The following CLEC4A variants were observed in gnomAD, a reference collection of about 807,000 sequenced individuals.
CLEC4A encodes the protein C-type lectin domain family 4 member A, also known as C-type (calcium dependent, carbohydrate-recognition domain) lectin, superfamily member 6.
A neutral mutation model predicts 32.7 loss-of-function variants in CLEC4A; 27 were observed. The ratio of observed to expected loss-of-function variants is 0.83; its 90% CI spans 0.61 to 1.14. CLEC4A has a LOEUF of 1.14. Among genes scored for constraint, CLEC4A ranks in the 50% most tolerant of loss-of-function variants. The pLI, the probability that CLEC4A is intolerant of heterozygous loss-of-function variation, is 0.00. For synonymous variants in CLEC4A, 89 were observed against 93.7 expected (o/e 0.95, Z 0.29); for missense variants, 253 against 274.6 (o/e 0.92, Z 0.55).
intron 3 of CLEC4A, chr12:8,134,750 G>T (rs1384128608): frequency 4.5e-6 from 7 of 1,560,358 alleles, no homozygotes; most frequent in Non-Finnish European, 6.1e-6. Flanking sequence ...AGCTTAGCCA[G>T]GTCCGAGGAT....
At chr12:8,133,652 C>T (rs1057209250) in intron 3 of CLEC4A, 19 of 1,371,816 alleles carry the variant, frequency 1.4e-5, no homozygotes, top group Non-Finnish European at 1.6e-5. Flanking sequence ...CCTTTGTGTT[C>T]CCAATTCCTT....
At position 8,123,724 on chromosome 12, in the gene CLEC4A, T is replaced by A. The variant is rs1947854935; in HGVS notation, c.-155T>A. 2 of 606,974 alleles carry A rather than the reference T, an allele frequency of 3.3e-6. No homozygotes were observed. The highest frequency in any genetic ancestry group is 5.9e-6 in the Non-Finnish European group (2 of 340,846). 37.6% of individuals were successfully genotyped at this position (606,974 alleles called of 1,614,324 possible). ...TGGTTCTTAGTTCTCATGAGACCCC[T>A]CTTGAGGATATGTGCCTATCTGGTG... On this transcript the variant is annotated 5_prime_UTR_variant, in exon 1 of 6. Coordinates refer to ENST00000229332, the MANE Select transcript of CLEC4A (RefSeq NM_016184.4).
At chr12:8,134,693 T>G in intron 3 of CLEC4A, 1 of 1,575,442 alleles carries the variant, frequency 6.3e-7, no homozygotes, top group Non-Finnish European at 8.6e-7. Context: ...CCTCAGAGCC[T>G]GGCCCAAACC....
At chr12:8,135,088 G>T (rs1185083928) in intron 3 of CLEC4A, among the ~76,000 whole-genome samples, 2 of 69,410 alleles carry the variant, frequency 2.9e-5, no homozygotes, top group Non-Finnish European at 5.2e-5. Context: ...TTCTCGCTGT[G>T]TTGCCCAGGC....
At chr12:8,136,319 C>T (rs1167267032) in intron 4 of CLEC4A, among the ~76,000 whole-genome samples, 1 of 152,192 alleles carries the variant, frequency 6.6e-6, no homozygotes, top group Admixed American at 6.5e-5. Flanking sequence ...AATCCCAGCA[C>T]TTTGGGAGGC....
upstream of CLEC4A, among the ~76,000 whole-genome samples, chr12:8,123,014 A>G (rs1236079956): frequency 6.6e-6 from 1 of 152,148 alleles, no homozygotes; most frequent in African/African-American, 2.4e-5. Context: ...GGAAAAAGTC[A>G]TATTTAGTAC....
chr12:8,135,311 T>C (rs950502947), intron 3 of CLEC4A, among the ~76,000 whole-genome samples: 1 of 152,142 alleles, frequency 6.6e-6, no homozygotes, highest in Non-Finnish European at 1.5e-5. Context: ...CATTATATTC[T>C]CAGAGTCTGG....
upstream of CLEC4A, among the ~76,000 whole-genome samples, chr12:8,118,648 A>G (rs1947807657): frequency 6.6e-6 from 1 of 152,272 alleles, no homozygotes; most frequent in Admixed American, 6.5e-5. Context: ...TATGGCGAGG[A>G]CACTACCAAG....
chr12:8,111,065 G>A, the CLEC4A span, among the ~76,000 whole-genome samples: 2 of 151,998 alleles, frequency 1.3e-5, no homozygotes, highest in Admixed American at 6.6e-5. Flanking sequence ...AGTATAGATG[G>A]GGTTTCACTG....
the CLEC4A span, among the ~76,000 whole-genome samples, chr12:8,109,139 A>C: frequency 1.3e-5 from 2 of 152,222 alleles, no homozygotes; most frequent in Non-Finnish European, 2.9e-5. Flanking sequence ...AGCATTTAAA[A>C]AGAAAGAAAT....
the CLEC4A span, among the ~76,000 whole-genome samples, chr12:8,115,178 A>G: frequency 2.0e-5 from 3 of 152,220 alleles, no homozygotes; most frequent in African/African-American, 2.4e-5. Context: ...TTTTCTGGCA[A>G]ATATGTTTGA....
At chr12:8,122,140 TG>T (rs1275476224), upstream of CLEC4A, among the ~76,000 whole-genome samples, 1 of 151,524 alleles carries the variant, frequency 6.6e-6, no homozygotes, top group Non-Finnish European at 1.5e-5. Flanking sequence ...CTGCATGGAG[TG>T]TCAGAGCCCA....
At chr12:8,119,470 C>T (rs1388599155), upstream of CLEC4A, among the ~76,000 whole-genome samples, 2 of 152,328 alleles carry the variant, frequency 1.3e-5, no homozygotes, top group East Asian at 1.9e-4. Context: ...GTGATCCACC[C>T]GCCTTGGCCT....
chr12:8,111,921 ATATGTGTGTGTGTGTGTGTGTGTG>A, the CLEC4A span, among the ~76,000 whole-genome samples: 1 of 109,662 alleles, frequency 9.1e-6, no homozygotes, highest in African/African-American at 3.4e-5. Context: ...GTGAGTGTGT[ATATGTGTGTGTGTGTGTGTGTGTG>A]TGTGTGTGTG....
At chr12:8,120,630 C>A (rs1328685511), upstream of CLEC4A, among the ~76,000 whole-genome samples, 2 of 151,748 alleles carry the variant, frequency 1.3e-5, no homozygotes, top group Non-Finnish European at 2.9e-5. Context: ...ACTAGTAAAG[C>A]TTATCTTCCT....
chr12:8,129,800 A>T (rs1947966297), intron 3 of CLEC4A, among the ~76,000 whole-genome samples: 1 of 152,208 alleles, frequency 6.6e-6, no homozygotes, highest in Admixed American at 6.5e-5. Context: ...AAAAAACCCA[A>T]AAGACAAAAA....
chr12:8,134,836 C>A (rs745551462), intron 3 of CLEC4A: 2 of 1,545,202 alleles, frequency 1.3e-6, no homozygotes, highest in Non-Finnish European at 1.7e-6. Flanking sequence ...AAATCCGAAG[C>A]CAGGTGTCCC....
chr12:8,127,020 T>C (rs893118939), intron 2 of CLEC4A, among the ~76,000 whole-genome samples: 5 of 152,248 alleles, frequency 3.3e-5, no homozygotes, highest in African/African-American at 1.2e-4. Context: ...TGCTGGTTAA[T>C]AAGCCAATCT....
intron 1 of CLEC4A, among the ~76,000 whole-genome samples, chr12:8,125,148 G>A (rs2120569009): frequency 6.6e-6 from 1 of 152,146 alleles, no homozygotes; most frequent in East Asian, 1.9e-4. Context: ...ATAATAAGGA[G>A]TGTTAAAGAA....
Sources: gnomAD v4.1 joint callset for allele counts (sites outside exome capture counted in the v4.1 genomes callset) on GRCh38, gnomAD v4.1.1 for gene constraint, MANE v1.5 for transcripts, NCBI Gene and HGNC (gene_info 2026-07-23, HGNC 2026-07-21) for gene names.